The following AKAP6 variants were observed in gnomAD, a reference collection of about 807,000 sequenced individuals.
The protein encoded by AKAP6 is A-kinase anchor protein 6.
In AKAP6, 58 loss-of-function variants were observed where a neutral mutation model predicts 188.5. The ratio of observed to expected loss-of-function variants is 0.31; its 90% confidence interval spans 0.25 to 0.38. The LOEUF (loss-of-function observed/expected upper bound fraction) is 0.38. Ranked by LOEUF, AKAP6 falls within the 10% of genes least tolerant of loss-of-function variation. AKAP6 has a pLI of 1.00. For synonymous variants in AKAP6, 989 were observed against 998.6 expected, an observed-to-expected ratio of 0.99 and a Z score of 0.18; for missense variants, 2,710 against 2,740.0, an observed-to-expected ratio of 0.99 and a Z score of 0.24.
intron 5 of AKAP6, among the ~76,000 whole-genome samples, chr14:32,589,805 C>T (rs1167817347): frequency 6.6e-6 from 1 of 152,062 alleles, no homozygotes. Context: ...CTATTTAGGG[C>T]AGTATTATAC....
intron 11 of AKAP6, among the ~76,000 whole-genome samples, chr14:32,764,457 G>A (rs1293614211): frequency 1.3e-5 from 2 of 152,144 alleles, no homozygotes; most frequent in Admixed American, 1.3e-4. Context: ...TTATGGCTAT[G>A]GCCACTTCTG....
chr14:32,657,791 C>T (rs1888515642), intron 7 of AKAP6, among the ~76,000 whole-genome samples: 1 of 151,692 alleles, frequency 6.6e-6, no homozygotes, highest in South Asian at 2.1e-4. Context: ...ACCATTTCTA[C>T]AGTACTTCTA....
chr14:32,701,492 T>C (rs913502641), intron 9 of AKAP6, among the ~76,000 whole-genome samples: 5 of 152,106 alleles, frequency 3.3e-5, no homozygotes, highest in Non-Finnish European at 7.4e-5. Flanking sequence ...TTTTTTAAAA[T>C]ACAAGGGCTT....
chr14:32,552,809 G>A (rs1463945131), intron 4 of AKAP6, among the ~76,000 whole-genome samples: 1 of 152,178 alleles, frequency 6.6e-6, no homozygotes, highest in African/African-American at 2.4e-5. Flanking sequence ...ATGTAAATGT[G>A]GACACACTGA....
intron 12 of AKAP6, among the ~76,000 whole-genome samples, chr14:32,814,869 C>T (rs946937251): frequency 3.3e-5 from 5 of 152,174 alleles, no homozygotes; most frequent in Non-Finnish European, 2.9e-5. Context: ...GCTGGGACTA[C>T]AGTCATGTGC....
intron 2 of AKAP6, among the ~76,000 whole-genome samples, chr14:32,527,965 ATTAATTCTT>A (rs1223863451): frequency 1.3e-5 from 2 of 152,204 alleles, no homozygotes; most frequent in Non-Finnish European, 2.9e-5. Context: ...AAGTCAGCTT[ATTAATTCTT>A]TCATAGATTG....
At chr14:32,573,633 C>T (rs1461787846) in intron 4 of AKAP6, among the ~76,000 whole-genome samples, 1 of 152,134 alleles carries the variant, frequency 6.6e-6, no homozygotes. Flanking sequence ...TGCTTTTTCA[C>T]ACATAGAAGG....
At chr14:32,761,239 T>C (rs2032526607) in intron 11 of AKAP6, among the ~76,000 whole-genome samples, 1 of 152,178 alleles carries the variant, frequency 6.6e-6, no homozygotes, top group East Asian at 1.9e-4. Context: ...TCCTTCTTTT[T>C]AGAGGTGTTA....
intron 8 of AKAP6, among the ~76,000 whole-genome samples, chr14:32,692,945 G>T (rs182478163): frequency 8.8e-4 from 134 of 152,188 alleles, no homozygotes; most frequent in African/African-American, 3.0e-3. Flanking sequence ...ACACATTATA[G>T]CCTCTCTAAT....
rs1046056498 is a variant in AKAP6 at position 32,831,179 on chromosome 14, G to C, written c.*1374G>C. 12 of 152,072 alleles carry C rather than the reference G, an allele frequency of 7.9e-5. No homozygotes were observed. Among genetic ancestry groups the C allele is most frequent in the African/African-American group, 2.9e-4 (12 of 41,402 alleles). The allele number at this position is 152,072 out of a possible 1,614,324, so 9.4% of individuals were successfully genotyped here. On this transcript the variant is annotated 3_prime_UTR_variant, in exon 14 of 14. Coordinates refer to ENST00000280979, the MANE Select transcript of AKAP6 (RefSeq NM_004274.5). Reference sequence around the variant, plus strand: ...GCTAGTAGAAAAGTACAGAAAATTTGACTATTATTTATAGATTTCAGGTAT... The same window carrying C: ...GCTAGTAGAAAAGTACAGAAAATTTCACTATTATTTATAGATTTCAGGTAT...
chr14:32,533,325 A>G (rs1458243632), intron 2 of AKAP6, among the ~76,000 whole-genome samples: 1 of 152,180 alleles, frequency 6.6e-6, no homozygotes, highest in Non-Finnish European at 1.5e-5. Flanking sequence ...AAAGGGTGTT[A>G]GTATGAGAGT....
At chr14:32,604,041 T>C (rs1261435981) in intron 7 of AKAP6, among the ~76,000 whole-genome samples, 3 of 152,190 alleles carry the variant, frequency 2.0e-5, no homozygotes, top group African/African-American at 7.2e-5. Context: ...ATATATCTGG[T>C]TCTTAATGAT....
chr14:32,730,403 G>A (rs760206295), intron 9 of AKAP6, among the ~76,000 whole-genome samples: 13 of 152,180 alleles, frequency 8.5e-5, no homozygotes, highest in East Asian at 5.8e-4. Context: ...CTACTTATAC[G>A]CATTTAACAG....
At chr14:32,532,872 A>G (rs1217339534) in intron 2 of AKAP6, among the ~76,000 whole-genome samples, 1 of 152,194 alleles carries the variant, frequency 6.6e-6, no homozygotes, top group African/African-American at 2.4e-5. Context: ...CATAGATGCT[A>G]GCAGGAGGGT....
chr14:32,409,918 C>G (rs1889427406), intron 1 of AKAP6, among the ~76,000 whole-genome samples: 1 of 152,012 alleles, frequency 6.6e-6, no homozygotes, highest in African/African-American at 2.4e-5. Flanking sequence ...ACCTAAGGAA[C>G]CTAGGGAGTC....
chr14:32,476,217 A>G (rs1329561570), intron 2 of AKAP6, among the ~76,000 whole-genome samples: 2 of 152,218 alleles, frequency 1.3e-5, no homozygotes, highest in African/African-American at 4.8e-5. Context: ...TTGGCATAGC[A>G]GTAAACACAA....
chr14:32,340,765 T>C (rs986545343), intron 1 of AKAP6, among the ~76,000 whole-genome samples: 5 of 152,238 alleles, frequency 3.3e-5, no homozygotes, highest in Non-Finnish European at 5.9e-5. Context: ...AAGGTCAAGG[T>C]ACCAAAGATT....
intron 9 of AKAP6, among the ~76,000 whole-genome samples, chr14:32,709,723 C>T (rs1033647913): frequency 6.6e-6 from 1 of 152,014 alleles, no homozygotes; most frequent in Non-Finnish European, 1.5e-5. Flanking sequence ...TCCTGAAAGT[C>T]TTCTTATTTC....
chr14:32,512,592 A>G (rs546421591), intron 2 of AKAP6, among the ~76,000 whole-genome samples: 16 of 152,280 alleles, frequency 1.1e-4, no homozygotes, highest in Middle Eastern at 3.4e-3. Flanking sequence ...TGGTGGTCAG[A>G]TATGCTATTC....
Sources: allele counts gnomAD v4.1 joint callset (sites outside exome capture counted in the v4.1 genomes callset), GRCh38; gene constraint gnomAD v4.1.1; transcripts MANE v1.5; gene names NCBI Gene and HGNC (gene_info 2026-07-23, HGNC 2026-07-21).